The following DAB1 variants were observed in gnomAD, a reference collection of about 807,000 sequenced individuals.
The protein encoded by DAB1 is DAB adaptor protein 1, also known as disabled homolog 1.
A neutral mutation model predicts 64.6 loss-of-function variants in DAB1; 15 were observed. That is an observed-to-expected ratio of 0.23 (90% CI 0.16 to 0.36). DAB1 has a LOEUF of 0.36. Ranked by LOEUF, DAB1 falls within the 10% of genes least tolerant of loss-of-function variation. DAB1 has a pLI of 1.00. For synonymous variants in DAB1, 235 were observed against 251.9 expected (o/e 0.93, Z 0.64); for missense variants, 596 against 706.7 (o/e 0.84, Z 1.78).
intron 6 of DAB1, among the ~76,000 whole-genome samples, chr1:57,809,819 C>T (rs1323729018): frequency 6.6e-6 from 1 of 152,186 alleles, no homozygotes; most frequent in Non-Finnish European, 1.5e-5. Context: ...TGACCTCTTA[C>T]TCTTACATGT....
At chr1:57,941,740 C>A (rs902968441) in intron 5 of DAB1, among the ~76,000 whole-genome samples, 3 of 152,030 alleles carry the variant, frequency 2.0e-5, no homozygotes, top group African/African-American at 7.2e-5. Flanking sequence ...GAGGCTGAGG[C>A]AAGAGAATGG....
At chr1:57,818,369 C>T (rs1027913467) in intron 6 of DAB1, among the ~76,000 whole-genome samples, 5 of 152,178 alleles carry the variant, frequency 3.3e-5, no homozygotes, top group Admixed American at 2.0e-4. Context: ...CATTTCTCTA[C>T]CTCTAAGTCC....
chr1:58,423,508 G>T (rs540369237), intron 3 of DAB1, among the ~76,000 whole-genome samples: 1 of 152,148 alleles, frequency 6.6e-6, no homozygotes, highest in African/African-American at 2.4e-5. Flanking sequence ...CTTGCCAACC[G>T]CACCGTCTGC....
At chr1:57,095,172 G>A (rs535207235) in intron 4 of DAB1, among the ~76,000 whole-genome samples, 1 of 152,280 alleles carries the variant, frequency 6.6e-6, no homozygotes, top group African/African-American at 2.4e-5. Context: ...CAAGGCCACA[G>A]GACAGGATTC....
intron 6 of DAB1, among the ~76,000 whole-genome samples, chr1:57,729,841 G>A (rs953109893): frequency 4.6e-5 from 7 of 152,146 alleles, no homozygotes; most frequent in Non-Finnish European, 1.0e-4. Context: ...CCAGAGGATC[G>A]CTTGAGGCCA....
At chr1:57,358,535 ATGT>A (rs959041269) in intron 1 of DAB1, among the ~76,000 whole-genome samples, 38 of 152,206 alleles carry the variant, frequency 2.5e-4, no homozygotes, top group African/African-American at 8.4e-4. Flanking sequence ...GGAAGAATAA[ATGT>A]TGTTAAAATG....
At position 58,399,701 on chromosome 1, in the gene DAB1, C is replaced by G. The variant is rs141494422; in HGVS notation, n.258-56298G>C. Among the ~76,000 whole-genome samples the G allele has an allele frequency of 1.8e-4, 27 of 152,314 alleles. No homozygotes were observed. The East Asian group carries it at 5.0e-3, about 28-fold the overall frequency. Reference sequence around the variant, plus strand: ...CCATAACTTGCATTAATAATAACAACTGCCAAATACTGAGCAACAACGAAT... The same window carrying G: ...CCATAACTTGCATTAATAATAACAAGTGCCAAATACTGAGCAACAACGAAT... On this transcript the variant is annotated intron_variant and non_coding_transcript_variant, in intron 3 of 20. Transcript: ENST00000485760.
chr1:58,328,234 C>T (rs1264620046), intron 4 of DAB1, among the ~76,000 whole-genome samples: 1 of 152,234 alleles, frequency 6.6e-6, no homozygotes, highest in African/African-American at 2.4e-5. Context: ...TGATCTGCTT[C>T]TGGAGAACCT....
At chr1:58,039,239 C>G (rs150481142) in intron 5 of DAB1, among the ~76,000 whole-genome samples, 10 of 152,308 alleles carry the variant, frequency 6.6e-5, no homozygotes, top group African/African-American at 2.4e-4. Context: ...TTTATCTACT[C>G]TAGCCCATTT....
intron 9 of DAB1, among the ~76,000 whole-genome samples, chr1:57,040,994 C>G (rs1647704296): frequency 6.6e-6 from 1 of 152,046 alleles, no homozygotes; most frequent in Admixed American, 6.6e-5. Context: ...CAGATGGCAT[C>G]CAAATGGTAA....
At chr1:58,093,122 C>G (rs1212722869) in intron 5 of DAB1, among the ~76,000 whole-genome samples, 1 of 152,162 alleles carries the variant, frequency 6.6e-6, no homozygotes, top group Non-Finnish European at 1.5e-5. Flanking sequence ...CCTTTTTCGA[C>G]TGATGAACTA....
At chr1:57,742,809 C>A (rs1648064578) in intron 6 of DAB1, among the ~76,000 whole-genome samples, 1 of 152,058 alleles carries the variant, frequency 6.6e-6, no homozygotes, top group African/African-American at 2.4e-5. Flanking sequence ...GATTTAGAAG[C>A]CAGGGCAACC....
intron 4 of DAB1, among the ~76,000 whole-genome samples, chr1:58,332,506 TC>T (rs1393567535): frequency 6.6e-6 from 1 of 152,184 alleles, no homozygotes; most frequent in Non-Finnish European, 1.5e-5. Flanking sequence ...ACTATAGTAG[TC>T]TGTTAAGTGT....
intron 1 of DAB1, among the ~76,000 whole-genome samples, chr1:57,882,934 C>T (rs1644167468): frequency 6.6e-6 from 1 of 152,006 alleles, no homozygotes; most frequent in African/African-American, 2.4e-5. Flanking sequence ...ATGGGAGATG[C>T]TAGAAAAAGC....
chr1:57,161,645 G>T (rs1660761038), intron 2 of DAB1, among the ~76,000 whole-genome samples: 1 of 152,060 alleles, frequency 6.6e-6, no homozygotes, highest in South Asian at 2.1e-4. Context: ...TTGTATTTCA[G>T]TTCTTTTAAA....
intron 5 of DAB1, among the ~76,000 whole-genome samples, chr1:58,000,962 C>T (rs1335548525): frequency 6.6e-6 from 1 of 151,920 alleles, no homozygotes; most frequent in Non-Finnish European, 1.5e-5. Context: ...CTCAAATTTG[C>T]TCTCATCATC....
chr1:58,089,873 G>A (rs1176119128), intron 5 of DAB1, among the ~76,000 whole-genome samples: 1 of 152,142 alleles, frequency 6.6e-6, no homozygotes, highest in East Asian at 1.9e-4. Context: ...ATCCGCTGGG[G>A]GCAGACAAGA....
intron 2 of DAB1, among the ~76,000 whole-genome samples, chr1:57,176,311 C>T (rs889520039): frequency 6.6e-5 from 10 of 152,136 alleles, no homozygotes; most frequent in African/African-American, 2.4e-4. Flanking sequence ...GGGGAGGCCT[C>T]ACAGTCATGA....
At chr1:57,372,739 T>G (rs140562828) in intron 1 of DAB1, among the ~76,000 whole-genome samples, 57 of 152,310 alleles carry the variant, frequency 3.7e-4, no homozygotes, top group African/African-American at 1.3e-3. Flanking sequence ...GTACAGTAGA[T>G]TATCTTATAA....
Sources: gnomAD v4.1 joint callset for allele counts (sites outside exome capture counted in the v4.1 genomes callset) on GRCh38, gnomAD v4.1.1 for gene constraint, MANE v1.5 for transcripts, NCBI Gene and HGNC (gene_info 2026-07-23, HGNC 2026-07-21) for gene names.